Variants in RBFA observed in about 807,000 individuals in gnomAD.
RBFA encodes the protein ribosome binding factor A.
RBFA carries 16 observed loss-of-function variants against 27.9 expected under a neutral mutation model. The observed-to-expected ratio is 0.57, with a 90% CI of 0.39 to 0.87. The LOEUF (loss-of-function observed/expected upper bound fraction) is 0.87, where lower values mean the gene tolerates loss of function less well. RBFA is among the 40% of genes least tolerant of loss of function. RBFA has a pLI of 0.00. For missense variants in RBFA, 456 were observed against 432.1 expected, an observed-to-expected ratio of 1.06 and a Z score of -0.49; for synonymous variants, 181 against 181.0, an observed-to-expected ratio of 1.00 and a Z score of 0.00.
rs2052064612 is a variant in RBFA at position 80,047,559 on chromosome 18, AT to A, written c.*1407del. ...TTTTTCTTTTGAGATCTAGGAAATT[AT>A]TTGTTTATACTCTACACTCTTATTT... On this transcript the variant is annotated 3_prime_UTR_variant, in exon 7 of 7. Coordinates refer to ENST00000306735, the MANE Select transcript of RBFA (RefSeq NM_024805.3). 1 of 152,202 alleles carries A rather than the reference AT, an allele frequency of 6.6e-6. No homozygotes were observed. The highest frequency in any genetic ancestry group is 6.5e-5 in the Admixed American group (1 of 15,276). 9.4% of individuals were successfully genotyped at this position (152,202 alleles called of 1,614,324 possible).
chr18:80,044,157 T>C (rs1055430663), intron 5 of RBFA, 55 bp from the exon 6 acceptor site: 7 of 1,451,072 alleles, frequency 4.8e-6, no homozygotes, highest in South Asian at 4.6e-5. Flanking sequence ...AGCCCGGCTG[T>C]AAGTATGGTG....
chr18:80,038,982 A>G (rs1020518457), intron 4 of RBFA, among the ~76,000 whole-genome samples: 2 of 152,216 alleles, frequency 1.3e-5, no homozygotes, highest in Non-Finnish European at 2.9e-5. Flanking sequence ...GCCATGCCAC[A>G]TGCCTAGAGT....
chr18:80,045,130 AG>A (rs1405072418), intron 6 of RBFA, among the ~76,000 whole-genome samples: 2 of 152,106 alleles, frequency 1.3e-5, no homozygotes, highest in Admixed American at 6.5e-5. Flanking sequence ...CTCTTCATGA[AG>A]GCGAATGAGT....
intron 1 of RBFA, chr18:80,035,056 A>T (rs1201710753): frequency 5.0e-6 from 1 of 201,040 alleles, no homozygotes; most frequent in Non-Finnish European, 1.0e-5. Flanking sequence ...AAATACATTG[A>T]CTTTTCACAC....
chr18:80,046,362 AT>A lies in RBFA; in HGVS notation c.*208del. 1.7e-6 allele frequency: 1 copy of A among 593,662 alleles called. No homozygotes were observed. Among genetic ancestry groups the A allele is most frequent in the Non-Finnish European group, 2.9e-6 (1 of 342,708 alleles). The allele number at this position is 593,662 out of a possible 1,614,324, so 36.8% of individuals were successfully genotyped here. A position where few individuals can be genotyped will look rare whatever the true frequency, so the allele number is the denominator to read the frequency against. On this transcript the variant is annotated 3_prime_UTR_variant, in exon 7 of 7. Coordinates refer to ENST00000306735, the MANE Select transcript of RBFA (RefSeq NM_024805.3). The stretch of plus-strand genomic sequence containing the variant: ...GCACTGTGTGTAATTTAAAAATTAA[AT>A]GGCCATCTTATCACAGATTCTCACA...
intron 4 of RBFA, 37 bp from the exon 5 acceptor site, chr18:80,042,098 G>C: frequency 6.8e-7 from 1 of 1,477,266 alleles, no homozygotes; most frequent in Non-Finnish European, 9.3e-7. Flanking sequence ...TGAGTGTCAC[G>C]GCACAGCTGT....
At chr18:80,042,380 C>T (rs1001311303) in intron 5 of RBFA, among the ~76,000 whole-genome samples, 161 bp downstream of exon 5, 6 of 152,064 alleles carry the variant, frequency 3.9e-5, no homozygotes, top group East Asian at 1.9e-4. Flanking sequence ...TGTGAGCCAC[C>T]GGGCCCAGGT....
chr18:80,037,885 T>A (rs1261149331), intron 3 of RBFA, among the ~76,000 whole-genome samples: 2 of 100,338 alleles, frequency 2.0e-5, no homozygotes, highest in African/African-American at 6.1e-5. Flanking sequence ...CGAGACTCCA[T>A]CTCAAAAAAA....
At position 80,037,476 on chromosome 18, in the gene RBFA, G is replaced by A. The variant is rs1329943094; in HGVS notation, c.348G>A (p.Glu116=). The A allele has an allele frequency of 6.2e-7, 1 of 1,613,962 alleles. No individual in the cohort carries two copies. Among genetic ancestry groups the A allele is most frequent in the South Asian group, 1.1e-5 (1 of 91,082 alleles). ...TGTGTACCCCTGAAGTGAGTCAGGA[G>A]CTGTATGACCTTAACGTGGAGCTCT... ...DLLCTPEVSQ[E]LYDLNVELSK... Residue 116 remains glutamate (E), a synonymous_variant, in exon 3 of 7, where the codon GAG becomes GAA. Transcript: ENST00000306735.
rs2051995898 is a variant in RBFA, at chr18:80,038,497, G to T, written c.379-8G>T. 1.2e-5 allele frequency: 19 copies of T among 1,594,288 alleles called. No individual in the cohort carries two copies. The highest frequency in any genetic ancestry group is 1.5e-5 in the Non-Finnish European group (18 of 1,164,776). On this transcript the variant is annotated splice_polypyrimidine_tract_variant and splice_region_variant and intron_variant, in intron 3 of 6. Transcript: ENST00000306735. ...TAAAAAGTGACCTGTGGAGGGGCGG[G>T]GTCTCAGGTTTCCCTGACTCCAGAC...
At position 80,037,480 on chromosome 18, in the gene RBFA, T is replaced by G; in HGVS notation, c.352T>G (p.Tyr118Asp). ...TACCCCTGAAGTGAGTCAGGAGCTG[T>G]ATGACCTTAACGTGGAGCTCTCCAA... ...LCTPEVSQEL[Y>D]DLNVELSKVS... is the part of the protein sequence containing the mutation. The change falls in exon 3 of 7, where the codon TAT becomes GAT. Residue 118 changes from tyrosine to aspartate, a missense_variant. By Grantham distance (160) the Tyr-to-Asp change is radical. Coordinates refer to ENST00000306735, the MANE Select transcript of RBFA (RefSeq NM_024805.3). The G allele has an allele frequency of 6.2e-7, 1 of 1,613,600 alleles. No homozygotes were observed. Among genetic ancestry groups the G allele is most frequent in the Non-Finnish European group, 8.5e-7 (1 of 1,179,600 alleles).
chr18:80,034,552 C>T lies in RBFA; in HGVS notation c.57C>T (p.Phe19=), dbSNP rs776947267. The part of the protein sequence containing the change: ...WRSRAGLRAL[F]RSRDAALFPG... ...CCCGCGCGGGTCTCCGGGCCCTGTT[C>T]CGTAGCCGCGATGCTGCGCTATTTC... Residue 19 remains phenylalanine (F), a synonymous_variant, in exon 1 of 7, where the codon TTC becomes TTT. Transcript: ENST00000306735. 1 of 1,608,550 alleles carries T rather than the reference C, an allele frequency of 6.2e-7. No individual in the cohort carries two copies. Among genetic ancestry groups the T allele is most frequent in the Non-Finnish European group, 8.5e-7 (1 of 1,178,904 alleles).
At chr18:80,044,476 C>T (rs1389750791) in intron 6 of RBFA, among the ~76,000 whole-genome samples, 191 bp downstream of exon 6, 3 of 152,232 alleles carry the variant, frequency 2.0e-5, no homozygotes, top group African/African-American at 7.2e-5. Context: ...ACAGTGAGGG[C>T]CTCAGGGGCC....
In RBFA at chr18:80,044,233, G is replaced by T; in HGVS notation, c.598G>T (p.Ala200Ser). The T allele has an allele frequency of 1.9e-6, 3 of 1,614,098 alleles. No individual in the cohort carries two copies. Among genetic ancestry groups the T allele is most frequent in the South Asian group, 1.1e-5 (1 of 91,086 alleles). ...LAELDQLLAV[A>S]DFGPRDERDN... is the part of the protein sequence containing the mutation. ...GTAGCTTGATCAGTTACTGGCAGTCGCAGACTTTGGACCCCGGGATGAAAG... is the reference window on the plus strand; with the variant it reads ...GTAGCTTGATCAGTTACTGGCAGTCTCAGACTTTGGACCCCGGGATGAAAG... The change falls in exon 6 of 7, where the codon GCA (alanine) becomes TCA (serine). Residue 200 changes from alanine to serine, a missense_variant. Coordinates refer to ENST00000306735, the MANE Select transcript of RBFA (RefSeq NM_024805.3).
chr18:80,046,751 G>A lies in RBFA; in HGVS notation c.*596G>A, dbSNP rs1172441184. The A allele has an allele frequency of 1.3e-5, 2 of 153,064 alleles. No individual in the cohort carries two copies. Among genetic ancestry groups the A allele is most frequent in the Non-Finnish European group, 2.9e-5 (2 of 68,672 alleles). The allele number at this position is 153,064 out of a possible 1,614,324, so 9.5% of individuals were successfully genotyped here. A position where few individuals can be genotyped will look rare whatever the true frequency, so the allele number is the denominator to read the frequency against. On this transcript the variant is annotated 3_prime_UTR_variant, in exon 7 of 7. Coordinates refer to ENST00000306735, the MANE Select transcript of RBFA (RefSeq NM_024805.3). The stretch of plus-strand genomic sequence containing the variant: ...GTTGGGCAGAAAGTGAGTTGGGTTT[G>A]CTGGGGCTTCCTGGGCGACCCCGGC...
intron 6 of RBFA, 110 bp downstream of exon 6, chr18:80,044,395 C>A: frequency 1.0e-6 from 1 of 963,324 alleles, no homozygotes; most frequent in Non-Finnish European, 1.7e-6. Flanking sequence ...CCTGCATGAT[C>A]CCCATGGCAC....
rs373593135 is a variant in RBFA, at chr18:80,044,245, C to T, written c.610C>T (p.Pro204Ser). Residue 204 changes from proline (P) to serine (S), a missense_variant, in exon 6 of 7, where the codon CCC (proline) becomes TCC (serine). By Grantham distance (74) the Pro-to-Ser change is moderately conservative. Coordinates refer to ENST00000306735, the MANE Select transcript of RBFA (RefSeq NM_024805.3). ...GTTACTGGCAGTCGCAGACTTTGGACCCCGGGATGAAAGAGACAACTTTGT... is the reference window on the plus strand; with the variant it reads ...GTTACTGGCAGTCGCAGACTTTGGATCCCGGGATGAAAGAGACAACTTTGT... ...DQLLAVADFG[P>S]RDERDNFVQN... 1.9e-6 allele frequency: 3 copies of T among 1,614,060 alleles called. No individual in the cohort carries two copies. Among genetic ancestry groups the T allele is most frequent in the Non-Finnish European group, 1.7e-6 (2 of 1,180,022 alleles).
intron 2 of RBFA, 151 bp from the exon 3 acceptor site, chr18:80,037,179 A>C (rs2051984932): frequency 5.2e-6 from 3 of 579,642 alleles, no homozygotes; most frequent in South Asian, 2.6e-5. Flanking sequence ...CGGTTTATAA[A>C]ACTTTATCTT....
chr18:80,038,406 G>A, intron 3 of RBFA, 99 bp from the exon 4 acceptor site: 1 of 785,034 alleles, frequency 1.3e-6, no homozygotes, highest in Non-Finnish European at 2.1e-6. Flanking sequence ...GGCTTGGGTG[G>A]GAGGGGCGTC....
Sources: gnomAD v4.1 joint callset for allele counts (sites outside exome capture counted in the v4.1 genomes callset) on GRCh38, gnomAD v4.1.1 for gene constraint, MANE v1.5 for transcripts, NCBI Gene and HGNC (gene_info 2026-07-23, HGNC 2026-07-21) for gene names.